Variants in PTPRD observed in about 807,000 individuals in gnomAD.
The protein encoded by PTPRD is receptor-type tyrosine-protein phosphatase delta.
Under a neutral mutation model 214.5 loss-of-function variants are expected in PTPRD, and 34 were observed. The ratio of observed to expected loss-of-function variants is 0.16; its 90% CI spans 0.12 to 0.21. PTPRD has a LOEUF of 0.21. PTPRD is among the 10% of genes least tolerant of loss of function. The pLI is 1.00. For missense variants in PTPRD, 2,545 were observed against 2,398.7 expected, an observed-to-expected ratio of 1.06 and a Z score of -1.27; for synonymous variants, 1,128 against 845.7, an observed-to-expected ratio of 1.33 and a Z score of -5.79.
rs182830551 is a variant in PTPRD, at chr9:10,482,791, T to A, written c.-600+129607A>T. On this transcript the variant is annotated intron_variant, in intron 2 of 45. Coordinates refer to ENST00000381196, the MANE Select transcript of PTPRD (RefSeq NM_002839.4). ...AAATCTCCAAGGGGAACTACAAAAT[T>A]CTGCTGAAAGAAATCACAGATGACA... is the stretch of plus-strand genomic sequence containing the variant. Among the ~76,000 whole-genome samples the A allele has an allele frequency of 2.7e-3, 409 of 152,128 alleles. 3 individuals are homozygous for A. The highest frequency in any genetic ancestry group is 9.2e-3 in the African/African-American group (381 of 41,498).
chr9:10,046,627 G>T (rs949661868), intron 3 of PTPRD, among the ~76,000 whole-genome samples: 3 of 151,808 alleles, frequency 2.0e-5, no homozygotes, highest in South Asian at 4.1e-4. Context: ...TTATTTACTT[G>T]CAACTATGCA....
intron 8 of PTPRD, among the ~76,000 whole-genome samples, chr9:9,431,914 G>C (rs921239578): frequency 1.0e-5 from 1 of 97,212 alleles, no homozygotes; most frequent in Non-Finnish European, 1.9e-5. Flanking sequence ...GGGGTGGGGG[G>C]AGGGGGGAGG....
intron 2 of PTPRD, among the ~76,000 whole-genome samples, chr9:10,477,574 G>A (rs1420482245): frequency 6.6e-6 from 1 of 152,098 alleles, no homozygotes; most frequent in African/African-American, 2.4e-5. Flanking sequence ...ACAGTGTGGT[G>A]ATTCTTCAAG....
intron 15 of PTPRD, 34 bp from the exon 16 acceptor site, chr9:8,527,387 C>T: frequency 6.3e-7 from 1 of 1,596,590 alleles, no homozygotes; most frequent in Non-Finnish European, 8.6e-7. Flanking sequence ...AGAAAGACAG[C>T]ATAAAAATAT....
chr9:8,789,310 G>A (rs1288727073), intron 11 of PTPRD, among the ~76,000 whole-genome samples: 2 of 152,190 alleles, frequency 1.3e-5, no homozygotes, highest in Non-Finnish European at 2.9e-5. Flanking sequence ...GTGGTTGTCT[G>A]ACCCAAAATG....
intron 3 of PTPRD, among the ~76,000 whole-genome samples, chr9:10,339,807 C>A (rs2096906699): frequency 6.6e-6 from 1 of 151,640 alleles, no homozygotes; most frequent in Non-Finnish European, 1.5e-5. Context: ...TTAGAACCAA[C>A]AAACAACAAT....
intron 3 of PTPRD, among the ~76,000 whole-genome samples, chr9:10,118,405 T>C (rs1034484291): frequency 2.6e-5 from 4 of 151,674 alleles, no homozygotes; most frequent in African/African-American, 4.8e-5. Flanking sequence ...TCTAAGTGCA[T>C]AAAAGCACCT....
At chr9:9,656,265 T>C (rs1050489058) in intron 7 of PTPRD, among the ~76,000 whole-genome samples, 1 of 152,178 alleles carries the variant, frequency 6.6e-6, no homozygotes, top group Non-Finnish European at 1.5e-5. Flanking sequence ...TTCTTTAGTA[T>C]TTACCAAAAT....
At chr9:9,992,863 CG>C (rs2095994200) in intron 4 of PTPRD, among the ~76,000 whole-genome samples, 2 of 151,944 alleles carry the variant, frequency 1.3e-5, no homozygotes, top group African/African-American at 4.8e-5. Flanking sequence ...GACGAGTTAA[CG>C]GGTGCAGCAC....
intron 4 of PTPRD, among the ~76,000 whole-genome samples, chr9:9,955,373 C>G (rs992927562): frequency 1.3e-5 from 2 of 152,074 alleles, no homozygotes; most frequent in Admixed American, 1.3e-4. Context: ...TTTTTACTTC[C>G]TTTTTGTGAT....
chr9:9,781,937 C>T (rs1285870737), intron 5 of PTPRD, among the ~76,000 whole-genome samples: 2 of 152,060 alleles, frequency 1.3e-5, no homozygotes, highest in Non-Finnish European at 2.9e-5. Context: ...GGACTACAGG[C>T]GCCCACTACC....
chr9:9,832,302 C>T (rs2153606894), intron 5 of PTPRD, among the ~76,000 whole-genome samples: 1 of 152,038 alleles, frequency 6.6e-6, no homozygotes, highest in Non-Finnish European at 1.5e-5. Flanking sequence ...TAGCAGGCAA[C>T]ACAGCCTGCT....
At chr9:8,982,618 A>G (rs1589274863) in intron 11 of PTPRD, among the ~76,000 whole-genome samples, 1 of 151,706 alleles carries the variant, frequency 6.6e-6, no homozygotes, top group East Asian at 1.9e-4. Flanking sequence ...CACAATCATC[A>G]TCTTATAAAT....
At chr9:9,338,140 C>T (rs1221831622) in intron 9 of PTPRD, among the ~76,000 whole-genome samples, 1 of 152,124 alleles carries the variant, frequency 6.6e-6, no homozygotes, top group Non-Finnish European at 1.5e-5. Flanking sequence ...CTGCTAATTT[C>T]GTGTTTATTT....
intron 12 of PTPRD, among the ~76,000 whole-genome samples, chr9:8,662,733 T>C (rs1361914575): frequency 6.6e-6 from 1 of 152,188 alleles, no homozygotes; most frequent in Non-Finnish European, 1.5e-5. Context: ...CCTGTAAGCA[T>C]CTGAATTTGT....
At chr9:8,786,342 T>C (rs1244939741) in intron 11 of PTPRD, among the ~76,000 whole-genome samples, 2 of 151,590 alleles carry the variant, frequency 1.3e-5, no homozygotes, top group African/African-American at 4.8e-5. Context: ...TTTTTGCAGG[T>C]ATTAGGCACT....
At chr9:10,449,171 C>G (rs1200060416) in intron 2 of PTPRD, among the ~76,000 whole-genome samples, 1 of 150,046 alleles carries the variant, frequency 6.7e-6, no homozygotes, top group Non-Finnish European at 1.5e-5. Context: ...TGCCAAGTGC[C>G]TGGGATTGCG....
intron 4 of PTPRD, among the ~76,000 whole-genome samples, chr9:9,947,522 T>A (rs1172750288): frequency 1.1e-3 from 23 of 20,802 alleles, no homozygotes; most frequent in South Asian, 7.2e-3. Context: ...AATATATATA[T>A]TATATATATT....
chr9:9,026,767 T>C (rs2099588713), intron 10 of PTPRD, among the ~76,000 whole-genome samples: 2 of 151,936 alleles, frequency 1.3e-5, no homozygotes, highest in African/African-American at 4.8e-5. Context: ...CAAACTGCTT[T>C]ATTTTCATAA....
Sources: allele counts gnomAD v4.1 joint callset (sites outside exome capture counted in the v4.1 genomes callset), GRCh38; gene constraint gnomAD v4.1.1; transcripts MANE v1.5; gene names NCBI Gene and HGNC (gene_info 2026-07-23, HGNC 2026-07-21).